The following KLHL6 variants were observed in gnomAD, a reference collection of about 807,000 sequenced individuals.
KLHL6 encodes kelch-like protein 6.
KLHL6 carries 41 observed loss-of-function variants against 58.6 expected under a neutral mutation model. That is an observed-to-expected ratio of 0.70 (90% CI 0.55 to 0.91). KLHL6 has a LOEUF of 0.91. Ranked by LOEUF, KLHL6 falls within the 40% of genes least tolerant of loss-of-function variation. The probability of loss-of-function intolerance (pLI) is 0.00; values close to 1 mark genes in which losing one functional copy is unlikely to be tolerated. For synonymous variants in KLHL6, 338 were observed against 322.7 expected, an observed-to-expected ratio of 1.05 and a Z score of -0.51; for missense variants, 714 against 805.6, an observed-to-expected ratio of 0.89 and a Z score of 1.38.
At chr3:183,545,612 T>G (rs1362725654) in intron 1 of KLHL6, among the ~76,000 whole-genome samples, 1 of 152,130 alleles carries the variant, frequency 6.6e-6, no homozygotes, top group Non-Finnish European at 1.5e-5. Context: ...TGGGTAGGGG[T>G]GACAGAGATG....
intron 1 of KLHL6, among the ~76,000 whole-genome samples, chr3:183,533,843 C>T (rs1712237189): frequency 6.6e-6 from 1 of 151,900 alleles, no homozygotes; most frequent in South Asian, 2.1e-4. Context: ...TCCTTCCCTC[C>T]CCTCTTCTCT....
chr3:183,527,699 CGTGT>C (rs149350693), intron 2 of KLHL6, 142 bp downstream of exon 2: 59 of 631,890 alleles, frequency 9.3e-5, no homozygotes, highest in Non-Finnish European at 1.3e-4. Context: ...TAGGGGTGTG[CGTGT>C]GTGTGTGTGT....
At chr3:183,497,584 G>A (rs1355629655) in intron 4 of KLHL6, among the ~76,000 whole-genome samples, 2 of 152,148 alleles carry the variant, frequency 1.3e-5, no homozygotes, top group Non-Finnish European at 2.9e-5. Context: ...TTTGCCAATG[G>A]AATGTGAGCA....
intron 2 of KLHL6, among the ~76,000 whole-genome samples, chr3:183,511,410 T>C (rs1274384527): frequency 1.3e-5 from 2 of 152,216 alleles, no homozygotes; most frequent in Non-Finnish European, 2.9e-5. Context: ...AGACATTCAG[T>C]TCCCAGGGGC....
At chr3:183,539,759 G>T (rs373368856) in intron 1 of KLHL6, among the ~76,000 whole-genome samples, 8 of 151,092 alleles carry the variant, frequency 5.3e-5, no homozygotes, top group African/African-American at 2.0e-4. Flanking sequence ...TCTTGCCCTA[G>T]TTCACCACTC....
chr3:183,510,573 A>T (rs1466139397), intron 2 of KLHL6, among the ~76,000 whole-genome samples: 1 of 152,110 alleles, frequency 6.6e-6, no homozygotes, highest in Non-Finnish European at 1.5e-5. Context: ...TAGGATTGTC[A>T]GTTTAAAAAG....
intron 1 of KLHL6, among the ~76,000 whole-genome samples, chr3:183,536,856 C>T (rs1712381655): frequency 6.6e-6 from 1 of 152,172 alleles, no homozygotes; most frequent in Non-Finnish European, 1.5e-5. Context: ...TTGCTGTCGA[C>T]CATGCATCCA....
At chr3:183,547,133 G>A (rs1222858913) in intron 1 of KLHL6, among the ~76,000 whole-genome samples, 2 of 152,110 alleles carry the variant, frequency 1.3e-5, no homozygotes, top group African/African-American at 4.8e-5. Context: ...GGCTGGTCTT[G>A]AACTCTTGAC....
Position 183,531,441 on chromosome 3 carries a change from GTGT to G in KLHL6, c.294-3434_294-3432del, listed in dbSNP as rs1244607900. 1.5e-4 allele frequency among the ~76,000 whole-genome samples: 15 copies of G among 102,100 alleles called. 1 individual carries two copies. The highest frequency in any genetic ancestry group is 5.3e-4 in the African/African-American group (15 of 28,494). The allele number at this position is 102,100 out of a possible 152,430, so 67.0% of individuals were successfully genotyped here. On this transcript the variant is annotated intron_variant, in intron 1 of 6. Coordinates refer to ENST00000341319, the MANE Select transcript of KLHL6 (RefSeq NM_130446.4). ...CCTTCTTTCTGTTCTTTTTTTGTCT[GTGT>G]TTTTTTTTTTTTTTTTTTTTTTTGA...
intron 2 of KLHL6, among the ~76,000 whole-genome samples, chr3:183,525,711 T>C (rs1043546463): frequency 2.0e-5 from 3 of 152,206 alleles, no homozygotes; most frequent in Non-Finnish European, 4.4e-5. Context: ...ATGTTTCACA[T>C]CTAATGTGAC....
chr3:183,498,325 C>T (rs1437451466), intron 4 of KLHL6, among the ~76,000 whole-genome samples: 1 of 152,184 alleles, frequency 6.6e-6, no homozygotes, highest in African/African-American at 2.4e-5. Flanking sequence ...AAAGAATGAC[C>T]TGCCCTTGAT....
At chr3:183,522,617 T>C (rs934278730) in intron 2 of KLHL6, 1 of 152,324 alleles carries the variant, frequency 6.6e-6, no homozygotes, top group Non-Finnish European at 1.5e-5. Flanking sequence ...TGTGTGTACA[T>C]AGTATATCAT....
intron 2 of KLHL6, among the ~76,000 whole-genome samples, chr3:183,518,662 G>A (rs1041836480): frequency 6.6e-6 from 1 of 152,206 alleles, no homozygotes; most frequent in Non-Finnish European, 1.5e-5. Flanking sequence ...TGGCTTTTGA[G>A]TTTCTAAATA....
intron 1 of KLHL6, among the ~76,000 whole-genome samples, chr3:183,529,254 A>C (rs1300785426): frequency 6.6e-6 from 1 of 152,142 alleles, no homozygotes; most frequent in Non-Finnish European, 1.5e-5. Context: ...CCATGACATA[A>C]GTTTACCTAT....
chr3:183,552,717 C>CAAAAA (rs1169148282), intron 1 of KLHL6, among the ~76,000 whole-genome samples: 125 of 47,126 alleles, frequency 2.7e-3, no homozygotes, highest in Non-Finnish European at 4.3e-3. Context: ...GACTCCGTCT[C>CAAAAA]AAAAAAAAAA....
At chr3:183,507,935 C>A in intron 3 of KLHL6, 124 bp downstream of exon 3, 1 of 782,838 alleles carries the variant, frequency 1.3e-6, no homozygotes, top group Non-Finnish European at 2.0e-6. Context: ...CAGCAATGAA[C>A]AGGGCAGTGT....
At chr3:183,505,830 C>A (rs1367533248) in intron 3 of KLHL6, among the ~76,000 whole-genome samples, 1 of 152,148 alleles carries the variant, frequency 6.6e-6, no homozygotes, top group Admixed American at 6.5e-5. Context: ...TATCAAAATT[C>A]ATTCTAGAAG....
At chr3:183,551,517 A>G (rs542481119) in intron 1 of KLHL6, among the ~76,000 whole-genome samples, 15 of 152,368 alleles carry the variant, frequency 9.8e-5, no homozygotes, top group Admixed American at 7.2e-4. Context: ...GTGATCATTG[A>G]GTAATTTGGC....
chr3:183,492,091 C>A lies in KLHL6; in HGVS notation c.1702G>T (p.Glu568Ter). The A allele has an allele frequency of 6.2e-7, 1 of 1,613,840 alleles. No individual in the cohort carries two copies. Among genetic ancestry groups the A allele is most frequent in the Non-Finnish European group, 8.5e-7 (1 of 1,180,020 alleles). ...ACCGTGGCGATAACCTCGTTCTTCT[C>A]GTCCCGCCCGCCGGTGATGTAGAGC... is the stretch of plus-strand genomic sequence containing the variant. ...NRLYITGGRD[E>*]KNEVIATVLC... The change falls in exon 7 of 7, where the codon GAG becomes TAG. Residue 568 changes from glutamate (E) to a stop codon, truncating the protein, a stop_gained. Coordinates refer to ENST00000341319, the MANE Select transcript of KLHL6 (RefSeq NM_130446.4). LOFTEE classifies it high-confidence loss of function. The surrounding 1 kb of genome is among the most constrained non-coding windows in gnomAD (Gnocchi z 5.9).
Sources: gnomAD v4.1 joint callset for allele counts (sites outside exome capture counted in the v4.1 genomes callset) on GRCh38, gnomAD v4.1.1 for gene constraint, Gnocchi (gnomAD v3.1) non-coding constraint, MANE v1.5 for transcripts, NCBI Gene and HGNC (gene_info 2026-07-23, HGNC 2026-07-21) for gene names.